The following ZNF469 variants were observed in gnomAD, a reference collection of about 807,000 sequenced individuals.
ZNF469 encodes the protein zinc finger protein 469.
ZNF469 carries 1 observed loss-of-function variant against 1.0 expected under a neutral mutation model. That is an observed-to-expected ratio of 1.00 (90% CI 0.35 to 4.73). ZNF469 has a LOEUF of 4.73. Ranked by LOEUF, ZNF469 falls within the 30% of genes most tolerant of loss-of-function variation. The probability of loss-of-function intolerance (pLI) is 0.16; values close to 1 mark genes in which losing one functional copy is unlikely to be tolerated. For synonymous variants in ZNF469, 2,703 were observed against 2,363.4 expected (o/e 1.14, Z -4.17); for missense variants, 6,100 against 5,356.3 (o/e 1.14, Z -4.33).
chr16:88,313,135 A>G, the ZNF469 span, among the ~76,000 whole-genome samples: 1 of 152,182 alleles, frequency 6.6e-6, no homozygotes, highest in Non-Finnish European at 1.5e-5. Context: ...CTGTGCCTCC[A>G]AGTTCCCTTC....
chr16:88,277,218 T>C, the ZNF469 span, among the ~76,000 whole-genome samples: 2 of 149,774 alleles, frequency 1.3e-5, no homozygotes, highest in African/African-American at 4.9e-5. Flanking sequence ...GCACGGTTAG[T>C]GCTGTGCCAC....
At chr16:88,321,171 G>A in the ZNF469 span, among the ~76,000 whole-genome samples, 79 of 152,366 alleles carry the variant, frequency 5.2e-4, no homozygotes, top group African/African-American at 1.7e-3. Context: ...TGGGCGAGGC[G>A]CCAAGGGGAA....
the ZNF469 span, among the ~76,000 whole-genome samples, chr16:88,272,642 G>A: frequency 2.1e-5 from 3 of 143,966 alleles, no homozygotes; most frequent in South Asian, 2.2e-4. Flanking sequence ...GGGTATATGG[G>A]TAGACGAGTG....
At chr16:88,182,920 T>G in the ZNF469 span, among the ~76,000 whole-genome samples, 1 of 152,186 alleles carries the variant, frequency 6.6e-6, no homozygotes, top group Non-Finnish European at 1.5e-5. Context: ...AAGCCTCTGC[T>G]CTTTAAAGAC....
At chr16:88,319,833 G>A in the ZNF469 span, among the ~76,000 whole-genome samples, 3 of 152,172 alleles carry the variant, frequency 2.0e-5, no homozygotes, top group Non-Finnish European at 4.4e-5. Context: ...TGACTCTGGT[G>A]GAGACCAAGC....
At chr16:88,101,380 G>A in the ZNF469 span, among the ~76,000 whole-genome samples, 1 of 152,172 alleles carries the variant, frequency 6.6e-6, no homozygotes, top group Admixed American at 6.5e-5. Flanking sequence ...ATGTGGTTAG[G>A]GGCGTCCTCC....
the ZNF469 span, among the ~76,000 whole-genome samples, chr16:88,171,564 T>C: frequency 9.9e-5 from 15 of 152,222 alleles, no homozygotes; most frequent in Non-Finnish European, 2.2e-4. Flanking sequence ...AATAATCACA[T>C]TCTTAAGTCC....
At chr16:88,408,308 C>T (rs954478428) in intron 1 of ZNF469, among the ~76,000 whole-genome samples, 12 of 152,226 alleles carry the variant, frequency 7.9e-5, no homozygotes, top group African/African-American at 2.7e-4. Flanking sequence ...CCCACCACCA[C>T]GCCCGGCTAA....
At chr16:88,297,990 G>A in the ZNF469 span, among the ~76,000 whole-genome samples, 6 of 152,162 alleles carry the variant, frequency 3.9e-5, no homozygotes, top group Middle Eastern at 3.2e-3. Flanking sequence ...TTTATGTTAC[G>A]AGCAGGGCGA....
the ZNF469 span, among the ~76,000 whole-genome samples, chr16:88,111,257 T>A: frequency 6.6e-6 from 1 of 152,052 alleles, no homozygotes; most frequent in East Asian, 1.9e-4. Flanking sequence ...TTCTAAAGAC[T>A]TTTTTTTGTG....
At chr16:88,209,816 G>C in the ZNF469 span, among the ~76,000 whole-genome samples, 1 of 152,112 alleles carries the variant, frequency 6.6e-6, no homozygotes, top group Non-Finnish European at 1.5e-5. Flanking sequence ...CTGTCTGTGG[G>C]CATTCCAGTT....
chr16:88,162,274 T>A, the ZNF469 span, among the ~76,000 whole-genome samples: 1 of 151,942 alleles, frequency 6.6e-6, no homozygotes, highest in Non-Finnish European at 1.5e-5. Context: ...GTCAACAATT[T>A]TTAATTTATC....
chr16:88,287,074 C>T, the ZNF469 span, among the ~76,000 whole-genome samples: 11 of 152,186 alleles, frequency 7.2e-5, no homozygotes, highest in African/African-American at 2.7e-4. Flanking sequence ...ATTTTTCTTG[C>T]TTTTTAAAGC....
chr16:88,333,011 T>C, the ZNF469 span, among the ~76,000 whole-genome samples: 8 of 152,132 alleles, frequency 5.3e-5, no homozygotes, highest in African/African-American at 1.7e-4. Flanking sequence ...AGAGGTGCAC[T>C]CTGGCACCAG....
the ZNF469 span, among the ~76,000 whole-genome samples, chr16:88,189,883 C>T: frequency 2.6e-5 from 4 of 152,332 alleles, no homozygotes; most frequent in South Asian, 6.2e-4. The surrounding 1 kb of genome is among the most constrained non-coding windows in gnomAD (Gnocchi z 4.3). Context: ...TGCACCACTG[C>T]ACTCCAGCCT....
chr16:88,413,231 A>G (rs1212509362), intron 1 of ZNF469, among the ~76,000 whole-genome samples: 1 of 152,246 alleles, frequency 6.6e-6, no homozygotes, highest in Non-Finnish European at 1.5e-5. Context: ...GCCGGGACCA[A>G]GAAGGCAGAG....
chr16:88,122,026 T>G, the ZNF469 span, among the ~76,000 whole-genome samples: 1 of 140,302 alleles, frequency 7.1e-6, no homozygotes, highest in South Asian at 2.2e-4. Flanking sequence ...CGGATCACAC[T>G]CTGTCACTCA....
the ZNF469 span, among the ~76,000 whole-genome samples, chr16:88,289,097 T>A: frequency 5.3e-5 from 8 of 151,706 alleles, no homozygotes; most frequent in African/African-American, 1.9e-4. Flanking sequence ...TTGATAGTGA[T>A]GAGGGTGATG....
chr16:88,303,542 T>C, the ZNF469 span, among the ~76,000 whole-genome samples: 4 of 152,192 alleles, frequency 2.6e-5, no homozygotes, highest in Admixed American at 1.3e-4. Flanking sequence ...CTACTTGTGC[T>C]TCTTGGAGGC....
Sources: allele counts gnomAD v4.1 joint callset (sites outside exome capture counted in the v4.1 genomes callset), GRCh38; gene constraint gnomAD v4.1.1; non-coding constraint Gnocchi (gnomAD v3.1); transcripts MANE v1.5; gene names NCBI Gene and HGNC (gene_info 2026-07-23, HGNC 2026-07-21).